FANCC: variants seen among roughly 807,000 people sequenced by gnomAD.
FANCC encodes Fanconi anemia group C protein.
A neutral mutation model predicts 71.3 loss-of-function variants in FANCC; 55 were observed. The observed-to-expected ratio is 0.77, with a 90% CI of 0.62 to 0.97. The LOEUF is 0.97. Among genes scored for constraint, FANCC ranks in the 50% least tolerant of loss-of-function variants. FANCC has a pLI of 0.00. For synonymous variants in FANCC, 275 were observed against 244.9 expected (o/e 1.12, Z -1.15); for missense variants, 678 against 670.9 (o/e 1.01, Z -0.12).
chr9:95,270,555 G>C (rs1010642598), intron 1 of FANCC, among the ~76,000 whole-genome samples: 2 of 152,240 alleles, frequency 1.3e-5, no homozygotes, highest in African/African-American at 4.8e-5. Flanking sequence ...TAAATGTGCA[G>C]TTCATACTCT....
intron 6 of FANCC, among the ~76,000 whole-genome samples, chr9:95,160,885 T>C (rs1242753661): frequency 6.6e-6 from 1 of 152,202 alleles, no homozygotes; most frequent in Admixed American, 6.5e-5. Context: ...TTTTGTATCC[T>C]GAGACTTTGC....
At chr9:95,203,753 G>A (rs1007626791) in intron 4 of FANCC, among the ~76,000 whole-genome samples, 1 of 152,086 alleles carries the variant, frequency 6.6e-6, no homozygotes, top group African/African-American at 2.4e-5. Flanking sequence ...AAAAAATTTT[G>A]AGTGGCACTG....
intron 1 of FANCC, among the ~76,000 whole-genome samples, chr9:95,252,274 C>CAAAAAAAAAAAAAAAAAAAAAAAAA (rs71366284): frequency 1.2e-3 from 58 of 50,038 alleles, no homozygotes; most frequent in East Asian, 2.7e-3. Flanking sequence ...GAGACTGATT[C>CAAAAAAAAAAAAAAAAAAAAAAAAA]AAAAAAAAAA....
At position 95,144,150 on chromosome 9, in the gene FANCC, G is replaced by T. The variant is rs555105454; in HGVS notation, c.686+5773C>A. Among the ~76,000 whole-genome samples, 31 of 152,238 alleles carry T rather than the reference G, an allele frequency of 2.0e-4. No homozygotes were observed. In the South Asian group the frequency reaches 6.2e-3, roughly 31 times the overall value. ...CATCTGGGGAGGGGGGGCTGGGCGC[G>T]GCTGGTAATTTGCACTGATTGATTG... On this transcript the variant is annotated intron_variant, in intron 7 of 14. Transcript: ENST00000289081.
intron 5 of FANCC, 32 bp from the exon 6 acceptor site, chr9:95,171,175 ACG>A: frequency 6.5e-7 from 1 of 1,529,942 alleles, no homozygotes; most frequent in Non-Finnish European, 9.1e-7. Context: ...AGGTTAACTC[ACG>A]CTGCAAACAG....
In FANCC at chr9:95,111,543, C is replaced by T. The variant is rs140687953; in HGVS notation, c.1249G>A (p.Glu417Lys). 1.5e-4 allele frequency: 241 copies of T among 1,614,026 alleles called. No individual in the cohort carries two copies. The highest frequency in any genetic ancestry group is 1.9e-4 in the Non-Finnish European group (219 of 1,180,050). Residue 417 changes from glutamate to lysine, a missense_variant, in exon 13 of 15, where the codon GAA (glutamate) becomes AAA (lysine). Physicochemically the swap from Glu to Lys is moderately conservative, Grantham distance 56. Coordinates refer to ENST00000289081, the MANE Select transcript of FANCC (RefSeq NM_000136.3). ...VAEQLLMSAAEPPTALLWLLA... is the reference protein window; with the variant it reads ...VAEQLLMSAAKPPTALLWLLA... ...AGCCACAGCAGGGCCGTGGGGGGTTCGGCTGCCGACATCAGTAATTGCTCT... is the reference window on the plus strand; with the variant it reads ...AGCCACAGCAGGGCCGTGGGGGGTTTGGCTGCCGACATCAGTAATTGCTCT...
chr9:95,306,702 G>T (rs144170332), intron 1 of FANCC, among the ~76,000 whole-genome samples: 3 of 152,222 alleles, frequency 2.0e-5, no homozygotes, highest in African/African-American at 4.8e-5. Context: ...TATTGAAAAG[G>T]TTATCATCTC....
chr9:95,236,496 G>A (rs1158735660), intron 4 of FANCC, among the ~76,000 whole-genome samples: 2 of 152,194 alleles, frequency 1.3e-5, no homozygotes, highest in Non-Finnish European at 2.9e-5. Context: ...GCACATTCAA[G>A]GTTGTCAGTA....
At chr9:95,277,861 C>CA (rs1247535259) in intron 1 of FANCC, among the ~76,000 whole-genome samples, 1 of 152,018 alleles carries the variant, frequency 6.6e-6, no homozygotes, top group African/African-American at 2.4e-5. Flanking sequence ...CCCAGAAGAA[C>CA]AAAAACTGAA....
intron 4 of FANCC, among the ~76,000 whole-genome samples, chr9:95,235,427 C>T (rs770729843): frequency 6.6e-6 from 1 of 152,216 alleles, no homozygotes; most frequent in East Asian, 1.9e-4. Flanking sequence ...CTACTTACCA[C>T]CTTACACCAC....
At chr9:95,126,408 G>A (rs1438963678) in intron 9 of FANCC, 121 bp downstream of exon 9, 3 of 971,194 alleles carry the variant, frequency 3.1e-6, no homozygotes, top group Non-Finnish European at 3.2e-6. Context: ...GGAACAGGAG[G>A]GAATCAGAAA....
intron 4 of FANCC, among the ~76,000 whole-genome samples, chr9:95,206,053 A>T (rs1194288799): frequency 6.6e-6 from 1 of 152,206 alleles, no homozygotes; most frequent in Non-Finnish European, 1.5e-5. Flanking sequence ...AGTATTAAGA[A>T]ATGTTTTATT....
chr9:95,128,229 TAAAAC>T (rs896001968), intron 8 of FANCC, among the ~76,000 whole-genome samples: 1 of 152,012 alleles, frequency 6.6e-6, no homozygotes, highest in African/African-American at 2.4e-5. Flanking sequence ...AATGAAAAAA[TAAAAC>T]AAGGGAAAAG....
At chr9:95,132,711 G>A (rs558581224) in intron 8 of FANCC, among the ~76,000 whole-genome samples, 6 of 152,092 alleles carry the variant, frequency 3.9e-5, no homozygotes, top group Middle Eastern at 3.2e-3. Flanking sequence ...TAGTCATTTG[G>A]AACTCAGGTA....
intron 4 of FANCC, among the ~76,000 whole-genome samples, chr9:95,213,089 C>T (rs888895750): frequency 2.6e-5 from 4 of 152,008 alleles, no homozygotes; most frequent in East Asian, 1.9e-4. Flanking sequence ...CTGTTTATTT[C>T]GACTACATGT....
chr9:95,302,233 G>A (rs965601805), intron 1 of FANCC, among the ~76,000 whole-genome samples: 2 of 152,152 alleles, frequency 1.3e-5, no homozygotes, highest in African/African-American at 2.4e-5. Flanking sequence ...CTCCCACGTG[G>A]TGGACAGAAG....
At chr9:95,153,765 CTGTT>C (rs762828557) in intron 6 of FANCC, among the ~76,000 whole-genome samples, 10 of 152,152 alleles carry the variant, frequency 6.6e-5, no homozygotes, top group Non-Finnish European at 1.0e-4. Context: ...TGTTGGTTGT[CTGTT>C]TATTTCTTTG....
intron 1 of FANCC, among the ~76,000 whole-genome samples, chr9:95,262,300 A>C (rs1279275864): frequency 2.0e-5 from 3 of 152,246 alleles, no homozygotes; most frequent in Non-Finnish European, 4.4e-5. Flanking sequence ...AGCACAATTC[A>C]TGAGAGCAGA....
chr9:95,183,296 G>A (rs1826492305), intron 4 of FANCC, among the ~76,000 whole-genome samples: 1 of 152,202 alleles, frequency 6.6e-6, no homozygotes, highest in South Asian at 2.1e-4. Context: ...TCACCTTGCA[G>A]TGTAACGGTG....
Sources: allele counts gnomAD v4.1 joint callset (sites outside exome capture counted in the v4.1 genomes callset), GRCh38; gene constraint gnomAD v4.1.1; transcripts MANE v1.5; gene names NCBI Gene and HGNC (gene_info 2026-07-23, HGNC 2026-07-21).